Variants in TMEM178B observed in about 807,000 individuals in gnomAD.
TMEM178B encodes transmembrane protein 178B.
Under a neutral mutation model 31.0 loss-of-function variants are expected in TMEM178B, and 5 were observed. The observed-to-expected ratio is 0.16, with a 90% CI of 0.08 to 0.34. The LOEUF (loss-of-function observed/expected upper bound fraction) is 0.34. Among genes scored for constraint, TMEM178B ranks in the 10% least tolerant of loss-of-function variants. TMEM178B has a pLI of 1.00. For synonymous variants in TMEM178B, 164 were observed against 164.0 expected (o/e 1.00, Z 0.00); for missense variants, 275 against 400.3 (o/e 0.69, Z 2.67).
intron 2 of TMEM178B, chr7:141,415,445 GT>G (rs1380536191): frequency 1.3e-5 from 2 of 152,908 alleles, no homozygotes; most frequent in African/African-American, 2.4e-5. Flanking sequence ...CCTGTTGAAA[GT>G]CACAGGGCAG....
At chr7:141,194,204 T>C (rs1393919869) in intron 1 of TMEM178B, among the ~76,000 whole-genome samples, 1 of 152,096 alleles carries the variant, frequency 6.6e-6, no homozygotes, top group African/African-American at 2.4e-5. Flanking sequence ...AAACCAATCA[T>C]GCCTTCCCAG....
At chr7:141,249,157 A>C (rs6464437) in intron 2 of TMEM178B, among the ~76,000 whole-genome samples, 1 of 151,966 alleles carries the variant, frequency 6.6e-6, no homozygotes, top group East Asian at 1.9e-4. Context: ...CATAATTCCC[A>C]TGTGTCATGG....
chr7:141,124,968 A>C (rs758532931), intron 1 of TMEM178B, among the ~76,000 whole-genome samples: 1 of 152,214 alleles, frequency 6.6e-6, no homozygotes, highest in Non-Finnish European at 1.5e-5. Context: ...TGGGCTACCT[A>C]ATATCCCCCT....
chr7:141,119,119 A>T (rs1795369400), intron 1 of TMEM178B, among the ~76,000 whole-genome samples: 1 of 152,196 alleles, frequency 6.6e-6, no homozygotes, highest in Non-Finnish European at 1.5e-5. Flanking sequence ...GCCGTTGAGC[A>T]GGTTAGTGCT....
At chr7:141,097,966 A>AT (rs1794993531) in intron 1 of TMEM178B, among the ~76,000 whole-genome samples, 1 of 151,278 alleles carries the variant, frequency 6.6e-6, no homozygotes, top group South Asian at 2.1e-4. Context: ...TAATTTTTGT[A>AT]TTTTTTGTAG....
intron 2 of TMEM178B, among the ~76,000 whole-genome samples, chr7:141,376,523 C>T (rs1800216960): frequency 6.6e-6 from 1 of 152,188 alleles, no homozygotes; most frequent in African/African-American, 2.4e-5. Context: ...AACTGCAGAA[C>T]ACCATCGATG....
chr7:141,272,671 T>C (rs1244791747), intron 2 of TMEM178B, among the ~76,000 whole-genome samples: 1 of 152,206 alleles, frequency 6.6e-6, no homozygotes, highest in East Asian at 1.9e-4. Flanking sequence ...AGAGCTCCCC[T>C]CTGCACATCA....
At chr7:141,462,738 G>A (rs1802080729) in intron 3 of TMEM178B, among the ~76,000 whole-genome samples, 1 of 152,138 alleles carries the variant, frequency 6.6e-6, no homozygotes, top group African/African-American at 2.4e-5. Context: ...GCTGGGACAA[G>A]GAGTGGGCAA....
chr7:141,324,358 C>G (rs1413637354), intron 2 of TMEM178B, among the ~76,000 whole-genome samples: 2 of 148,178 alleles, frequency 1.3e-5, no homozygotes, highest in Non-Finnish European at 3.0e-5. Flanking sequence ...ATATTTTGAC[C>G]CAACAAGATT....
rs145166806 is a variant in TMEM178B at position 141,145,550 on chromosome 7, G to A, written c.383-67041G>A. 6.3e-4 allele frequency among the ~76,000 whole-genome samples: 96 copies of A among 152,242 alleles called. 2 individuals carry two copies. Among genetic ancestry groups the A allele is most frequent in the African/African-American group, 2.2e-3 (92 of 41,556 alleles). ...AGCTTCCAAACCTGCCAGCATCATG[G>A]CTCAGTGTATTCACCCCTGAGCCAG... On this transcript the variant is annotated intron_variant, in intron 1 of 3. Coordinates refer to ENST00000565468, the MANE Select transcript of TMEM178B (RefSeq NM_001195278.2).
intron 2 of TMEM178B, among the ~76,000 whole-genome samples, chr7:141,251,993 C>G (rs1406509723): frequency 6.6e-6 from 1 of 152,074 alleles, no homozygotes; most frequent in Admixed American, 6.6e-5. Context: ...TCTAAGATCC[C>G]TGTTTGCTTA....
At chr7:141,500,387 G>A in the TMEM178B span, among the ~76,000 whole-genome samples, 13 of 152,134 alleles carry the variant, frequency 8.5e-5, no homozygotes, top group African/African-American at 2.7e-4. Flanking sequence ...AGGAAAACTC[G>A]GAGGAAGTGC....
chr7:141,123,730 T>C (rs1795445388), intron 1 of TMEM178B, among the ~76,000 whole-genome samples: 2 of 152,166 alleles, frequency 1.3e-5, no homozygotes, highest in African/African-American at 2.4e-5. Context: ...TACTTCTCCT[T>C]TCTTAGAGTC....
rs532296922 is a variant in TMEM178B, at chr7:141,454,384, A to G, written c.635-16152A>G. 1.4e-4 allele frequency among the ~76,000 whole-genome samples: 21 copies of G among 152,184 alleles called. 1 individual carries two copies. In the South Asian group the frequency reaches 4.2e-3, roughly 30 times the overall value. ...AGTGACTGCCTTCTCTGATGGTGACATTGGTGGGAGAGAAAGCCAAGCACG... is the reference window on the plus strand; with the variant it reads ...AGTGACTGCCTTCTCTGATGGTGACGTTGGTGGGAGAGAAAGCCAAGCACG... On this transcript the variant is annotated intron_variant, in intron 3 of 3. Transcript: ENST00000565468.
At position 141,471,731 on chromosome 7, in the gene TMEM178B, A is replaced by T. The variant is rs1437517189; in HGVS notation, c.*945A>T. On this transcript the variant is annotated 3_prime_UTR_variant, in exon 4 of 4. Transcript: ENST00000565468. This position sits in a 1 kb window ranked among gnomAD's most constrained non-coding sequence, Gnocchi z 4.1. ...AGAAATTGTCATGAGGGACAGGCCT[A>T]TAAGGGTGCCAATTCTGCAGCTACA... The T allele has an allele frequency of 6.6e-6, 1 of 151,298 alleles. No homozygotes were observed. Among genetic ancestry groups the T allele is most frequent in the East Asian group, 1.9e-4 (1 of 5,154 alleles). 9.4% of individuals were successfully genotyped at this position (151,298 alleles called of 1,614,324 possible). A position where few individuals can be genotyped will look rare whatever the true frequency, so the allele number is the denominator to read the frequency against.
At chr7:141,148,088 C>T (rs1197923244) in intron 1 of TMEM178B, among the ~76,000 whole-genome samples, 1 of 152,202 alleles carries the variant, frequency 6.6e-6, no homozygotes, top group Non-Finnish European at 1.5e-5. Flanking sequence ...TGTGTCCCTT[C>T]TGGAGGCTCT....
chr7:141,219,504 C>T (rs1179126168), intron 2 of TMEM178B, among the ~76,000 whole-genome samples: 3 of 152,176 alleles, frequency 2.0e-5, no homozygotes, highest in Non-Finnish European at 2.9e-5. Flanking sequence ...CAAGAAACCA[C>T]CTCCTTGCCC....
At chr7:141,384,759 C>T (rs1014263060) in intron 2 of TMEM178B, among the ~76,000 whole-genome samples, 3 of 152,134 alleles carry the variant, frequency 2.0e-5, no homozygotes, top group Non-Finnish European at 2.9e-5. Flanking sequence ...TGAAGAAAGT[C>T]ATTGGTAGCT....
intron 1 of TMEM178B, among the ~76,000 whole-genome samples, chr7:141,118,002 T>C (rs1005489704): frequency 4.6e-5 from 7 of 152,174 alleles, no homozygotes; most frequent in African/African-American, 1.7e-4. Flanking sequence ...GCATCTGTGG[T>C]GGAGTAAAAT....
Sources: allele counts gnomAD v4.1 joint callset (sites outside exome capture counted in the v4.1 genomes callset), GRCh38; gene constraint gnomAD v4.1.1; non-coding constraint Gnocchi (gnomAD v3.1); transcripts MANE v1.5; gene names NCBI Gene and HGNC (gene_info 2026-07-23, HGNC 2026-07-21).